CTIF: variants seen among roughly 807,000 people sequenced by gnomAD.
The protein encoded by CTIF is CBP80/20-dependent translation initiation factor.
Under a neutral mutation model 66.0 loss-of-function variants are expected in CTIF, and 21 were observed. The ratio of observed to expected loss-of-function variants is 0.32; its 90% CI spans 0.23 to 0.46. The LOEUF (loss-of-function observed/expected upper bound fraction) is 0.46. CTIF is among the 20% of genes least tolerant of loss of function. CTIF has a pLI of 1.00. For missense variants in CTIF, 739 were observed against 812.7 expected (o/e 0.91, Z 1.10); for synonymous variants, 345 against 326.4 (o/e 1.06, Z -0.62).
At chr18:48,653,303 G>A (rs923141726) in intron 3 of CTIF, among the ~76,000 whole-genome samples, 9 of 152,236 alleles carry the variant, frequency 5.9e-5, no homozygotes, top group South Asian at 4.1e-4. Context: ...AAATCAATGT[G>A]CAAAAATCAC....
intron 3 of CTIF, among the ~76,000 whole-genome samples, chr18:48,661,612 G>A (rs1454189645): frequency 6.6e-6 from 1 of 152,192 alleles, no homozygotes; most frequent in Non-Finnish European, 1.5e-5. Context: ...TTGGAATGGG[G>A]AGGATGTGAG....
chr18:48,850,525 G>A (rs1387406421), intron 10 of CTIF, among the ~76,000 whole-genome samples: 1 of 152,208 alleles, frequency 6.6e-6, no homozygotes, highest in Non-Finnish European at 1.5e-5. Context: ...ATGGGACATA[G>A]GACAGGTCAT....
chr18:48,761,737 G>A lies in CTIF; in HGVS notation c.1371+48G>A, dbSNP rs749658096. On this transcript the variant is annotated intron_variant, in intron 9 of 11. Coordinates refer to ENST00000256413, the MANE Select transcript of CTIF (RefSeq NM_014772.3). The surrounding 1 kb of genome is among the most constrained non-coding windows in gnomAD (Gnocchi z 4.2). ...CGCCCCGCGCCCCCTGCCCCTCTGC[G>A]TTCGGTGAGTTATTCCTAGCGAGAA... 2.5e-5 allele frequency: 39 copies of A among 1,544,376 alleles called. No homozygotes were observed. The highest frequency in any genetic ancestry group is 1.1e-4 in the African/African-American group (8 of 73,468).
chr18:48,683,606 T>C (rs2091784524), intron 6 of CTIF, among the ~76,000 whole-genome samples: 1 of 152,028 alleles, frequency 6.6e-6, no homozygotes, highest in Non-Finnish European at 1.5e-5. Context: ...AGACCCTCTT[T>C]GTTCCTTTTG....
At chr18:48,777,029 A>C (rs4078504) in intron 9 of CTIF, among the ~76,000 whole-genome samples, 47,609 of 152,168 alleles carry the variant, frequency 0.31, 7,462 homozygotes, top group Admixed American at 0.35. Context: ...TGTTATCCCA[A>C]AGCAGATGCG....
At chr18:48,753,421 G>A (rs1310213549) in intron 7 of CTIF, among the ~76,000 whole-genome samples, 4 of 152,126 alleles carry the variant, frequency 2.6e-5, no homozygotes, top group African/African-American at 9.7e-5. Flanking sequence ...AAAATTTGAA[G>A]TTATTCTCCC....
rs540901260 is a variant in CTIF at position 48,576,538 on chromosome 18, C to G, written c.-29+37226C>G. 2.6e-5 allele frequency among the ~76,000 whole-genome samples: 4 copies of G among 152,336 alleles called. No homozygotes were observed. In the East Asian group the frequency reaches 7.7e-4, roughly 29 times the overall value. On this transcript the variant is annotated intron_variant, in intron 1 of 11. Coordinates refer to ENST00000256413, the MANE Select transcript of CTIF (RefSeq NM_014772.3). Reference sequence around the variant, plus strand: ...CTATGCGGTTCTCTGCTTCAGCCAACACAAACAGCAGAAATAAGCCGGGAG... The same window carrying G: ...CTATGCGGTTCTCTGCTTCAGCCAAGACAAACAGCAGAAATAAGCCGGGAG...
chr18:48,636,694 C>G lies in CTIF; in HGVS notation c.252+9C>G. 2 of 1,588,392 alleles carry G rather than the reference C, an allele frequency of 1.3e-6. No homozygotes were observed. The highest frequency in any genetic ancestry group is 1.7e-6 in the Non-Finnish European group (2 of 1,169,668). On this transcript the variant is annotated intron_variant, in intron 3 of 11. Coordinates refer to ENST00000256413, the MANE Select transcript of CTIF (RefSeq NM_014772.3). ...GAGCCCCCCCACAGCAGGTAGGGAA[C>G]CAGCTCTGCGCTCTGTCTGGGGGTG...
intron 11 of CTIF, among the ~76,000 whole-genome samples, chr18:48,858,060 T>C (rs1438375149): frequency 1.3e-5 from 2 of 152,254 alleles, no homozygotes; most frequent in Non-Finnish European, 2.9e-5. Flanking sequence ...GAGGTGCCAC[T>C]CCTGTCCCTA....
chr18:48,575,285 TG>T (rs2143716352), intron 1 of CTIF, among the ~76,000 whole-genome samples: 1 of 152,332 alleles, frequency 6.6e-6, no homozygotes, highest in East Asian at 1.9e-4. Flanking sequence ...GGTGATGCTT[TG>T]CCCCCCGACA....
chr18:48,791,932 T>C (rs1434381242), intron 9 of CTIF, among the ~76,000 whole-genome samples: 2 of 151,982 alleles, frequency 1.3e-5, no homozygotes, highest in East Asian at 1.9e-4. Flanking sequence ...CATTCAACAC[T>C]CCATGAATTC....
At chr18:48,763,736 G>T (rs1285128721) in intron 9 of CTIF, among the ~76,000 whole-genome samples, 2 of 152,164 alleles carry the variant, frequency 1.3e-5, no homozygotes, top group African/African-American at 4.8e-5. Context: ...CTTCATCAGT[G>T]TACCCTCGAT....
At chr18:48,734,701 C>G (rs985078430) in intron 7 of CTIF, among the ~76,000 whole-genome samples, 1 of 152,184 alleles carries the variant, frequency 6.6e-6, no homozygotes, top group East Asian at 1.9e-4. Context: ...CAGTGTTGAC[C>G]TCACCCACCT....
At chr18:48,778,727 C>T (rs1417153566) in intron 9 of CTIF, among the ~76,000 whole-genome samples, 1 of 152,116 alleles carries the variant, frequency 6.6e-6, no homozygotes, top group Non-Finnish European at 1.5e-5. Flanking sequence ...GCATGGAGTA[C>T]TACACTTCAT....
In CTIF at chr18:48,539,113, C is replaced by T. The variant is rs1025219862; in HGVS notation, c.-228C>T. The stretch of plus-strand genomic sequence containing the variant: ...TACTCCCTCCCCCCTACCCGCCCCT[C>T]CCTCCCTGTTTCCCTTCCCTCCCTC... On this transcript the variant is annotated 5_prime_UTR_variant, in exon 1 of 12. Coordinates refer to ENST00000256413, the MANE Select transcript of CTIF (RefSeq NM_014772.3). The T allele has an allele frequency of 2.0e-5, 3 of 148,728 alleles. No homozygotes were observed. The highest frequency in any genetic ancestry group is 4.5e-5 in the Non-Finnish European group (3 of 67,050). The allele number at this position is 148,728 out of a possible 1,614,324, so 9.2% of individuals were successfully genotyped here.
intron 9 of CTIF, among the ~76,000 whole-genome samples, chr18:48,766,009 T>C (rs1227871759): frequency 2.0e-5 from 3 of 151,842 alleles, no homozygotes; most frequent in Non-Finnish European, 4.4e-5. Context: ...ACATGCAGGT[T>C]AGTTACATAT....
intron 1 of CTIF, among the ~76,000 whole-genome samples, chr18:48,578,335 A>G (rs779385155): frequency 1.3e-5 from 2 of 152,182 alleles, no homozygotes; most frequent in African/African-American, 4.8e-5. Context: ...TCTCTTGGGT[A>G]TATACCTAGG....
chr18:48,728,144 A>C (rs754518414), intron 7 of CTIF, among the ~76,000 whole-genome samples: 2 of 152,220 alleles, frequency 1.3e-5, no homozygotes, highest in Admixed American at 6.5e-5. Flanking sequence ...TTGGGGCTAC[A>C]TAATAAAAAT....
At chr18:48,631,901 C>A (rs1048053472) in intron 2 of CTIF, among the ~76,000 whole-genome samples, 2 of 152,188 alleles carry the variant, frequency 1.3e-5, no homozygotes, top group African/African-American at 4.8e-5. Flanking sequence ...ATTTCAAGCC[C>A]TGGCCCGGAC....
Sources: gnomAD v4.1 joint callset for allele counts (sites outside exome capture counted in the v4.1 genomes callset) on GRCh38, gnomAD v4.1.1 for gene constraint, Gnocchi (gnomAD v3.1) non-coding constraint, MANE v1.5 for transcripts, NCBI Gene and HGNC (gene_info 2026-07-23, HGNC 2026-07-21) for gene names.